SAMD5: variants seen among roughly 807,000 people sequenced by gnomAD.
SAMD5 encodes the protein sterile alpha motif domain-containing protein 5.
In SAMD5, 13 loss-of-function variants were observed where a neutral mutation model predicts 11.3. The observed-to-expected ratio is 1.15, with a 90% CI of 0.75 to 1.83. The LOEUF (loss-of-function observed/expected upper bound fraction) is 1.83. SAMD5 is among the 40% of genes most tolerant of loss of function. The probability of loss-of-function intolerance (pLI) is 0.00; values close to 1 mark genes in which losing one functional copy is unlikely to be tolerated. For synonymous variants in SAMD5, 129 were observed against 111.3 expected (o/e 1.16, Z -1.00); for missense variants, 255 against 239.1 (o/e 1.07, Z -0.44).
chr6:147,792,491 A>G, the SAMD5 span, among the ~76,000 whole-genome samples: 1 of 152,204 alleles, frequency 6.6e-6, no homozygotes, highest in Non-Finnish European at 1.5e-5. Flanking sequence ...ATATATAGAA[A>G]TATTTATGCA....
intron 1 of SAMD5, among the ~76,000 whole-genome samples, chr6:147,695,654 A>T (rs1446840255): frequency 6.6e-6 from 1 of 152,204 alleles, no homozygotes; most frequent in African/African-American, 2.4e-5. Flanking sequence ...TATGTGCCAG[A>T]TACTGTGCTA....
the SAMD5 span, among the ~76,000 whole-genome samples, chr6:147,792,649 C>T: frequency 2.6e-5 from 4 of 152,100 alleles, no homozygotes; most frequent in Non-Finnish European, 5.9e-5. Flanking sequence ...AATCAAGGAT[C>T]CCTGAAGAAA....
At chr6:147,835,665 G>A in the SAMD5 span, among the ~76,000 whole-genome samples, 1 of 152,068 alleles carries the variant, frequency 6.6e-6, no homozygotes, top group Non-Finnish European at 1.5e-5. Flanking sequence ...CATATCACAA[G>A]CAGCTGAGCC....
chr6:147,540,943 T>TGG (rs762532636), intron 1 of SAMD5, among the ~76,000 whole-genome samples: 6,638 of 136,754 alleles, frequency 0.049, 346 homozygotes, highest in African/African-American at 0.12. Context: ...GTTTTTTTTT[T>TGG]TTTTTTTTTT....
chr6:147,751,113 C>T, the SAMD5 span, among the ~76,000 whole-genome samples: 1 of 152,106 alleles, frequency 6.6e-6, no homozygotes, highest in Non-Finnish European at 1.5e-5. Context: ...AGACTTGTCC[C>T]ATCTCAGGGC....
chr6:147,659,183 G>C (rs1187856170), intron 1 of SAMD5, among the ~76,000 whole-genome samples: 1 of 152,120 alleles, frequency 6.6e-6, no homozygotes, highest in Admixed American at 6.5e-5. Flanking sequence ...GTTGTTAATA[G>C]GTTAATAGGT....
At chr6:147,597,094 G>A (rs1445413210) in intron 1 of SAMD5, among the ~76,000 whole-genome samples, 1 of 152,182 alleles carries the variant, frequency 6.6e-6, no homozygotes, top group Non-Finnish European at 1.5e-5. Context: ...CCATGGTCTA[G>A]TTAGCCAGCG....
At position 147,508,825 on chromosome 6, in the gene SAMD5, C is replaced by T. The variant is rs1181012334; in HGVS notation, c.-104C>T. 2 of 1,472,822 alleles carry T rather than the reference C, an allele frequency of 1.4e-6. No individual in the cohort carries two copies. Among genetic ancestry groups the T allele is most frequent in the East Asian group, 2.8e-5 (1 of 35,608 alleles). The allele number at this position is 1,472,822 out of a possible 1,614,324, so 91.2% of individuals were successfully genotyped here. On this transcript the variant is annotated 5_prime_UTR_variant, in exon 1 of 2. Transcript: ENST00000367474. ...TTAAAAGGAAAACTTTACTGCGATA[C>T]CCTTTTCCCCTTGGAGGAGAGGATT...
At chr6:147,543,686 A>G (rs1788641001) in intron 1 of SAMD5, among the ~76,000 whole-genome samples, 1 of 152,208 alleles carries the variant, frequency 6.6e-6, no homozygotes, top group Non-Finnish European at 1.5e-5. Context: ...ACAAAGACAA[A>G]TCTGTGAAAT....
the SAMD5 span, among the ~76,000 whole-genome samples, chr6:147,858,477 A>C: frequency 2.2e-4 from 34 of 152,302 alleles, no homozygotes; most frequent in South Asian, 6.6e-3. Context: ...ATCCTCCCCT[A>C]GTTGATTTAT....
chr6:147,513,911 A>C (rs1228219677), intron 1 of SAMD5, among the ~76,000 whole-genome samples: 1 of 152,134 alleles, frequency 6.6e-6, no homozygotes, highest in Non-Finnish European at 1.5e-5. Context: ...GCCACAGCAG[A>C]TTTGGATGAT....
intron 1 of SAMD5, among the ~76,000 whole-genome samples, chr6:147,623,007 C>T (rs912747662): frequency 6.6e-6 from 1 of 152,158 alleles, no homozygotes; most frequent in Admixed American, 6.5e-5. Flanking sequence ...GATTAAATTA[C>T]CTCCCACCAG....
rs899748373 is a variant in SAMD5, at chr6:147,565,275, A to G, written c.*819A>G. On this transcript the variant is annotated 3_prime_UTR_variant, in exon 2 of 2. Coordinates refer to ENST00000367474, the MANE Select transcript of SAMD5 (RefSeq NM_001030060.3). The stretch of plus-strand genomic sequence containing the variant: ...GTTCTGAGCTGCAGTGCTTTATCCC[A>G]CCTTGCTCTCCAGGCTTCTGACTTC... 2 of 985,594 alleles carry G rather than the reference A, an allele frequency of 2.0e-6. No individual in the cohort carries two copies. The highest frequency in any genetic ancestry group is 3.5e-5 in the African/African-American group (2 of 57,176). 61.1% of individuals were successfully genotyped at this position (985,594 alleles called of 1,614,324 possible). A position where few individuals can be genotyped will look rare whatever the true frequency, so the allele number is the denominator to read the frequency against.
chr6:147,895,521 C>T, the SAMD5 span, among the ~76,000 whole-genome samples: 497 of 152,276 alleles, frequency 3.3e-3, 1 homozygote, highest in African/African-American at 0.012. Context: ...CTGTCCAAGG[C>T]GAGGAGGTGA....
At chr6:147,598,931 G>A (rs1367785990) in intron 1 of SAMD5, among the ~76,000 whole-genome samples, 5 of 152,176 alleles carry the variant, frequency 3.3e-5, no homozygotes, top group Non-Finnish European at 7.3e-5. Flanking sequence ...AAAGGCTGAG[G>A]ATGTTCTTCT....
At chr6:147,696,501 TGG>T (rs965225474) in intron 1 of SAMD5, among the ~76,000 whole-genome samples, 1 of 152,164 alleles carries the variant, frequency 6.6e-6, no homozygotes, top group African/African-American at 2.4e-5. Context: ...ATAGGACCAA[TGG>T]GTCTGGCACC....
chr6:147,856,624 C>G, the SAMD5 span, among the ~76,000 whole-genome samples: 1 of 152,172 alleles, frequency 6.6e-6, no homozygotes, highest in Non-Finnish European at 1.5e-5. Flanking sequence ...GCTACTTGGA[C>G]TACCACCAGA....
At chr6:147,882,850 C>T in the SAMD5 span, among the ~76,000 whole-genome samples, 92 of 152,312 alleles carry the variant, frequency 6.0e-4, no homozygotes, top group African/African-American at 2.1e-3. Flanking sequence ...CAAGTAATTA[C>T]AATTTAAGTA....
At chr6:147,678,323 G>A (rs1468939542) in intron 1 of SAMD5, among the ~76,000 whole-genome samples, 1 of 152,054 alleles carries the variant, frequency 6.6e-6, no homozygotes, top group Non-Finnish European at 1.5e-5. Flanking sequence ...TTGTTATGCT[G>A]TTATAGTGTC....
Sources: allele counts gnomAD v4.1 joint callset (sites outside exome capture counted in the v4.1 genomes callset), GRCh38; gene constraint gnomAD v4.1.1; transcripts MANE v1.5; gene names NCBI Gene and HGNC (gene_info 2026-07-23, HGNC 2026-07-21).